The following EYS variants were observed in gnomAD, a reference collection of about 807,000 sequenced individuals.
EYS encodes EGF-like photoreceptor maintenance factor.
EYS carries 250 observed loss-of-function variants against 282.1 expected under a neutral mutation model. The observed-to-expected ratio is 0.89, with a 90% confidence interval of 0.80 to 0.98. The LOEUF (loss-of-function observed/expected upper bound fraction) is 0.98, where lower values mean the gene tolerates loss of function less well. Ranked by LOEUF, EYS falls within the 50% of genes least tolerant of loss-of-function variation. The probability of loss-of-function intolerance (pLI) is 0.00; values close to 1 mark genes in which losing one functional copy is unlikely to be tolerated. For synonymous variants in EYS, 1,355 were observed against 1,282.9 expected (o/e 1.06, Z -1.20); for missense variants, 4,016 against 3,709.0 (o/e 1.08, Z -2.15).
intron 31 of EYS, among the ~76,000 whole-genome samples, chr6:64,097,110 G>A (rs1165537873): frequency 6.6e-6 from 1 of 152,126 alleles, no homozygotes; most frequent in African/African-American, 2.4e-5. Context: ...GGTTCCTCTG[G>A]AAGTTTTGTC....
chr6:63,911,335 C>A (rs1764245248), intron 35 of EYS, among the ~76,000 whole-genome samples: 1 of 152,172 alleles, frequency 6.6e-6, no homozygotes, highest in African/African-American at 2.4e-5. Context: ...TCCAACACTG[C>A]TATAACTTAT....
chr6:64,822,644 T>C lies in EYS; in HGVS notation c.3164+7A>G. The stretch of plus-strand genomic sequence containing the variant: ...TTCATAAAGCTAATAATAAAAAAAA[T>C]AGCTACCTTCCATGTAGACAAGGAT... On this transcript the variant is annotated splice_region_variant and intron_variant, in intron 20 of 42. Coordinates refer to ENST00000503581, the MANE Select transcript of EYS (RefSeq NM_001142800.2). 1.3e-6 allele frequency: 2 copies of C among 1,517,328 alleles called. No homozygotes were observed. The highest frequency in any genetic ancestry group is 1.8e-6 in the Non-Finnish European group (2 of 1,136,758). 94.0% of individuals were successfully genotyped at this position (1,517,328 alleles called of 1,614,324 possible).
chr6:64,303,544 TGTAAAA>T (rs1322895882), intron 30 of EYS, among the ~76,000 whole-genome samples: 1 of 152,128 alleles, frequency 6.6e-6, no homozygotes, highest in Middle Eastern at 3.2e-3. Context: ...CAGTAGGTTT[TGTAAAA>T]GCCTTAGGAT....
chr6:65,376,507 A>T (rs1352115190), intron 8 of EYS, among the ~76,000 whole-genome samples: 1 of 152,200 alleles, frequency 6.6e-6, no homozygotes, highest in Non-Finnish European at 1.5e-5. Context: ...TAATGACAGG[A>T]TCAAATTCAC....
At position 65,491,270 on chromosome 6, in the gene EYS, TACACACAC is replaced by T. The variant is rs57650145; in HGVS notation, c.749-571_749-564del. 850 of 170,136 alleles carry T rather than the reference TACACACAC, an allele frequency of 5.0e-3. 5 individuals are homozygous for T. The highest frequency in any genetic ancestry group is 0.026 in the South Asian group (224 of 8,454). 10.5% of individuals were successfully genotyped at this position (170,136 alleles called of 1,614,324 possible). On this transcript the variant is annotated intron_variant, in intron 4 of 42. Coordinates refer to ENST00000503581, the MANE Select transcript of EYS (RefSeq NM_001142800.2). Reference sequence around the variant, plus strand: ...TTGTGGTCCCACTATATCAGTTATATACACACACACACACACACACACACACACACACA... The same window carrying T: ...TTGTGGTCCCACTATATCAGTTATATACACACACACACACACACACACACA...
At chr6:65,076,000 A>G (rs542333564) in intron 12 of EYS, among the ~76,000 whole-genome samples, 2 of 151,992 alleles carry the variant, frequency 1.3e-5, no homozygotes, top group African/African-American at 4.8e-5. Flanking sequence ...CAGTAAATCA[A>G]GTTGGATTTG....
chr6:64,140,702 G>C (rs1219147197), intron 31 of EYS, among the ~76,000 whole-genome samples: 2 of 152,092 alleles, frequency 1.3e-5, no homozygotes, highest in Admixed American at 6.5e-5. Context: ...TACACAGCTG[G>C]CTCTCTCACT....
At chr6:64,632,408 G>A (rs192396770) in intron 22 of EYS, among the ~76,000 whole-genome samples, 21 of 152,008 alleles carry the variant, frequency 1.4e-4, no homozygotes, top group East Asian at 3.9e-4. Flanking sequence ...TACACACCTC[G>A]GATATTACTT....
At chr6:64,215,957 TGAAAA>T (rs1207558969) in intron 31 of EYS, among the ~76,000 whole-genome samples, 4 of 152,072 alleles carry the variant, frequency 2.6e-5, no homozygotes, top group Non-Finnish European at 5.9e-5. Context: ...CTGTTCCACA[TGAAAA>T]GAACATTGGC....
intron 19 of EYS, among the ~76,000 whole-genome samples, chr6:64,877,038 T>C (rs1035328678): frequency 6.6e-6 from 1 of 152,150 alleles, no homozygotes; most frequent in Admixed American, 6.6e-5. Context: ...AATTAAGATG[T>C]CATATTTCAG....
At chr6:64,394,104 A>G (rs901082592) in intron 28 of EYS, among the ~76,000 whole-genome samples, 3 of 152,208 alleles carry the variant, frequency 2.0e-5, no homozygotes, top group African/African-American at 7.2e-5. Flanking sequence ...AAGGAGAACT[A>G]CAAACCACTG....
At chr6:65,318,856 G>A (rs1769389092) in intron 11 of EYS, among the ~76,000 whole-genome samples, 1 of 149,628 alleles carries the variant, frequency 6.7e-6, no homozygotes, top group Non-Finnish European at 1.5e-5. Flanking sequence ...TGGCCAGGCT[G>A]GTCTCAAACT....
intron 40 of EYS, among the ~76,000 whole-genome samples, chr6:63,774,434 G>T (rs1770010484): frequency 6.6e-6 from 1 of 152,184 alleles, no homozygotes; most frequent in African/African-American, 2.4e-5. Context: ...CTCCCAAAGT[G>T]CTGGGATTAC....
intron 33 of EYS, among the ~76,000 whole-genome samples, chr6:64,044,693 CT>C (rs1265177339): frequency 6.6e-6 from 1 of 151,946 alleles, no homozygotes; most frequent in Non-Finnish European, 1.5e-5. Flanking sequence ...TTTACTTTTT[CT>C]TTTTTACTGT....
chr6:64,649,988 A>T (rs1470481438), intron 22 of EYS, among the ~76,000 whole-genome samples: 1 of 152,154 alleles, frequency 6.6e-6, no homozygotes, highest in Non-Finnish European at 1.5e-5. Context: ...ACCAGAAATC[A>T]TCATTTAGAA....
chr6:65,686,978 T>C (rs9345671), intron 1 of EYS, among the ~76,000 whole-genome samples: 7,050 of 152,122 alleles, frequency 0.046, 432 homozygotes, highest in East Asian at 0.33. Context: ...AAAAATGTTA[T>C]TTTTAATTTA....
chr6:64,224,179 T>C (rs1766189356), intron 31 of EYS, among the ~76,000 whole-genome samples: 1 of 152,094 alleles, frequency 6.6e-6, no homozygotes, highest in Admixed American at 6.6e-5. Context: ...AAATCTATAC[T>C]GTATTCTGCA....
intron 19 of EYS, among the ~76,000 whole-genome samples, chr6:64,836,067 T>C (rs535339130): frequency 6.7e-6 from 1 of 149,242 alleles, no homozygotes; most frequent in Non-Finnish European, 1.5e-5. Flanking sequence ...CGCTCAAATC[T>C]CATAATCGTA....
rs1583210161 is a variant in EYS, at chr6:64,838,087, G to A, written c.2993-15265C>T. On this transcript the variant is annotated intron_variant, in intron 19 of 42. Transcript: ENST00000503581. ...TAATCACAGTGATTCTTACAGTAATGTTACTATTTCTGCTTCTTTTGTTCA... is the reference window on the plus strand; with the variant it reads ...TAATCACAGTGATTCTTACAGTAATATTACTATTTCTGCTTCTTTTGTTCA... Among the ~76,000 whole-genome samples the A allele has an allele frequency of 3.3e-5, 5 of 151,658 alleles. No individual in the cohort carries two copies. The East Asian group carries it at 9.7e-4, about 29-fold the overall frequency.
Sources: gnomAD v4.1 joint callset for allele counts (sites outside exome capture counted in the v4.1 genomes callset) on GRCh38, gnomAD v4.1.1 for gene constraint, MANE v1.5 for transcripts, NCBI Gene and HGNC (gene_info 2026-07-23, HGNC 2026-07-21) for gene names.